GMCL1: variants seen among roughly 807,000 people sequenced by gnomAD.
The protein encoded by GMCL1 is germ cell-less protein-like 1.
A neutral mutation model predicts 75.5 loss-of-function variants in GMCL1; 54 were observed. The observed-to-expected ratio is 0.71, with a 90% CI of 0.57 to 0.90. The LOEUF is 0.90. Among genes scored for constraint, GMCL1 ranks in the 40% least tolerant of loss-of-function variants. The pLI, the probability that GMCL1 is intolerant of heterozygous loss-of-function variation, is 0.00. For missense variants in GMCL1, 537 were observed against 622.7 expected (o/e 0.86, Z 1.47); for synonymous variants, 210 against 209.6 (o/e 1.00, Z -0.02).
intron 9 of GMCL1, 55 bp downstream of exon 9, chr2:69,855,015 A>G: frequency 4.7e-6 from 6 of 1,280,012 alleles, no homozygotes; most frequent in Non-Finnish European, 6.5e-6. Context: ...ATAAAGTAAT[A>G]TAGATCATAG....
intron 4 of GMCL1, chr2:69,842,913 C>T (rs192649508): frequency 2.4e-5 from 7 of 291,878 alleles, no homozygotes; most frequent in Non-Finnish European, 3.1e-5. Context: ...ACTACTCCCC[C>T]CCACCTTCCA....
intron 8 of GMCL1, among the ~76,000 whole-genome samples, chr2:69,851,533 C>G (rs1675320831): frequency 6.6e-6 from 1 of 152,042 alleles, no homozygotes; most frequent in Non-Finnish European, 1.5e-5. Flanking sequence ...TCGCTGGAAA[C>G]CAGAAGGCGG....
rs375156602 is a variant in GMCL1 at position 69,836,830 on chromosome 2, A to G, written c.261-717A>G. 1.1e-4 allele frequency among the ~76,000 whole-genome samples: 17 copies of G among 152,318 alleles called. 1 individual carries two copies. The East Asian group carries it at 2.3e-3, about 21-fold the overall frequency. On this transcript the variant is annotated intron_variant, in intron 1 of 13. Coordinates refer to ENST00000282570, the MANE Select transcript of GMCL1 (RefSeq NM_178439.5). ...AGTATGTTTACAGATAGAATAGGTG[A>G]TGCTGCTCTGGTTGAAGTTAGATGG...
intron 2 of GMCL1, 38 bp downstream of exon 2, chr2:69,837,708 T>G (rs41285963): frequency 0.018 from 28,346 of 1,577,028 alleles, 376 homozygotes; most frequent in Non-Finnish European, 0.019. Context: ...GGGTAGTCAC[T>G]GAAACTCTTA....
At chr2:69,853,081 C>T (rs905136432) in intron 8 of GMCL1, among the ~76,000 whole-genome samples, 6 of 152,242 alleles carry the variant, frequency 3.9e-5, no homozygotes, top group East Asian at 3.9e-4. Flanking sequence ...CTTCTACAGC[C>T]GTGACGAAAA....
chr2:69,840,445 T>C (rs1354092107), intron 3 of GMCL1, among the ~76,000 whole-genome samples: 1 of 150,582 alleles, frequency 6.6e-6, no homozygotes, highest in Admixed American at 6.6e-5. Context: ...AAGCAAACCA[T>C]GTGGGACATT....
chr2:69,876,840 T>C (rs1479221705), intron 13 of GMCL1, among the ~76,000 whole-genome samples: 4 of 152,018 alleles, frequency 2.6e-5, no homozygotes, highest in Non-Finnish European at 1.5e-5. Context: ...AATTGAAAAA[T>C]TAGCCGGGCG....
rs752503077 is a variant in GMCL1, at chr2:69,837,535, T to C, written c.261-12T>C. Reference sequence around the variant, plus strand: ...TTATATAAATATGTGACTTTTTCATTTCTTTTAACAGGAAAAAATTAAAGA... The same window carrying C: ...TTATATAAATATGTGACTTTTTCATCTCTTTTAACAGGAAAAAATTAAAGA... On this transcript the variant is annotated splice_polypyrimidine_tract_variant and intron_variant, in intron 1 of 13. Transcript: ENST00000282570. The C allele has an allele frequency of 9.3e-6, 14 of 1,503,328 alleles. No homozygotes were observed. In the Admixed American group the frequency reaches 3.1e-4, roughly 33 times the overall value. 93.1% of individuals were successfully genotyped at this position (1,503,328 alleles called of 1,614,324 possible).
At chr2:69,866,586 G>A (rs981847186) in intron 11 of GMCL1, among the ~76,000 whole-genome samples, 1 of 152,086 alleles carries the variant, frequency 6.6e-6, no homozygotes, top group African/African-American at 2.4e-5. Context: ...AGTCTCTGGA[G>A]TAGCTGAGAC....
chr2:69,865,610 T>G (rs1028655166), intron 11 of GMCL1, among the ~76,000 whole-genome samples: 3 of 151,776 alleles, frequency 2.0e-5, no homozygotes, highest in Non-Finnish European at 2.9e-5. Flanking sequence ...ATCATGCCAC[T>G]GCACTCCAGC....
chr2:69,869,687 C>T (rs1247106165), intron 11 of GMCL1, 32 bp from the exon 12 acceptor site: 4 of 1,598,152 alleles, frequency 2.5e-6, no homozygotes, highest in Non-Finnish European at 3.4e-6. Context: ...ATATGATAAA[C>T]TGAAATAAGT....
At chr2:69,867,874 C>G (rs1044935050) in intron 11 of GMCL1, among the ~76,000 whole-genome samples, 1 of 152,192 alleles carries the variant, frequency 6.6e-6, no homozygotes, top group African/African-American at 2.4e-5. Flanking sequence ...GTAACTCATA[C>G]CTTCTCTCCT....
At chr2:69,867,827 G>T (rs911038809) in intron 11 of GMCL1, among the ~76,000 whole-genome samples, 2 of 152,170 alleles carry the variant, frequency 1.3e-5, no homozygotes, top group Non-Finnish European at 2.9e-5. Context: ...TGATCTGTCT[G>T]CATTTTCCTA....
At chr2:69,859,034 T>C (rs1012070123) in intron 9 of GMCL1, among the ~76,000 whole-genome samples, 1 of 150,232 alleles carries the variant, frequency 6.7e-6, no homozygotes, top group Non-Finnish European at 1.5e-5. Context: ...TAATCCCAGC[T>C]ACTCGGGAGG....
At chr2:69,860,075 C>T (rs1294069984) in intron 9 of GMCL1, among the ~76,000 whole-genome samples, 6 of 152,022 alleles carry the variant, frequency 3.9e-5, no homozygotes, top group South Asian at 4.1e-4. Flanking sequence ...GTCCAGGGCT[C>T]GCTGCAGCCT....
At position 69,879,701 on chromosome 2, in the gene GMCL1, G is replaced by C. The variant is rs545558777; in HGVS notation, c.*697G>C. Reference sequence around the variant, plus strand: ...TTTAAGAACAGTGAAAGTTAGCTTTGCACCTTCAAATGATCTTGAATGAGG... The same window carrying C: ...TTTAAGAACAGTGAAAGTTAGCTTTCCACCTTCAAATGATCTTGAATGAGG... On this transcript the variant is annotated 3_prime_UTR_variant, in exon 14 of 14. Coordinates refer to ENST00000282570, the MANE Select transcript of GMCL1 (RefSeq NM_178439.5). 6.6e-6 allele frequency: 1 copy of C among 151,876 alleles called. No homozygotes were observed. The highest frequency in any genetic ancestry group is 2.4e-5 in the African/African-American group (1 of 41,344). 9.4% of individuals were successfully genotyped at this position (151,876 alleles called of 1,614,324 possible).
At chr2:69,837,741 C>T in intron 2 of GMCL1, 71 bp downstream of exon 2, 3 of 1,499,560 alleles carry the variant, frequency 2.0e-6, no homozygotes, top group South Asian at 2.5e-5. Flanking sequence ...CCTCATTGCA[C>T]TTCACAGTAA....
intron 11 of GMCL1, among the ~76,000 whole-genome samples, chr2:69,866,302 A>C (rs1293511046): frequency 6.6e-6 from 1 of 152,038 alleles, no homozygotes; most frequent in Non-Finnish European, 1.5e-5. Context: ...ACAATCCACT[A>C]ATGAGACATG....
intron 8 of GMCL1, among the ~76,000 whole-genome samples, chr2:69,851,665 T>C (rs1675324764): frequency 6.6e-6 from 1 of 151,602 alleles, no homozygotes. Flanking sequence ...TCCCAGCTAC[T>C]GGGGGGAGGA....
Sources: allele counts gnomAD v4.1 joint callset (sites outside exome capture counted in the v4.1 genomes callset), GRCh38; gene constraint gnomAD v4.1.1; transcripts MANE v1.5; gene names NCBI Gene and HGNC (gene_info 2026-07-23, HGNC 2026-07-21).